The following NFIA variants were observed in gnomAD, a reference collection of about 807,000 sequenced individuals.
NFIA encodes nuclear factor I A.
In NFIA, 8 loss-of-function variants were observed where a neutral mutation model predicts 62.8. The observed-to-expected ratio is 0.13, with a 90% CI of 0.07 to 0.23. NFIA has a LOEUF of 0.23. Among genes scored for constraint, NFIA ranks in the 10% least tolerant of loss-of-function variants. The probability of loss-of-function intolerance (pLI) is 1.00; values close to 1 mark genes in which losing one functional copy is unlikely to be tolerated. For synonymous variants in NFIA, 235 were observed against 238.1 expected (o/e 0.99, Z 0.12); for missense variants, 410 against 642.1 (o/e 0.64, Z 3.91).
At chr1:61,158,418 A>G (rs1204314825) in intron 2 of NFIA, among the ~76,000 whole-genome samples, 4 of 152,160 alleles carry the variant, frequency 2.6e-5, no homozygotes, top group African/African-American at 7.2e-5. Flanking sequence ...CATTTGTACA[A>G]AGCAACTCTG....
intron 2 of NFIA, among the ~76,000 whole-genome samples, chr1:61,222,994 T>A (rs1358918403): frequency 6.6e-6 from 1 of 152,088 alleles, no homozygotes; most frequent in Non-Finnish European, 1.5e-5. Context: ...CTTTTTTTTG[T>A]TTCTGCTCTG....
chr1:61,243,654 T>C (rs932293260), intron 2 of NFIA, among the ~76,000 whole-genome samples: 5 of 152,350 alleles, frequency 3.3e-5, no homozygotes, highest in South Asian at 2.1e-4. Flanking sequence ...TTTTTACTTA[T>C]TCGTAACAAG....
intron 9 of NFIA, among the ~76,000 whole-genome samples, chr1:61,414,587 A>T (rs1569817574): frequency 6.7e-6 from 1 of 150,196 alleles, no homozygotes; most frequent in African/African-American, 2.5e-5. Flanking sequence ...ACAGAGGAAG[A>T]TGTTAGTAGT....
chr1:61,082,939 T>C, intron 1 of NFIA, 121 bp downstream of exon 1: 1 of 726,148 alleles, frequency 1.4e-6, no homozygotes, highest in Non-Finnish European at 1.8e-6. Context: ...TCTCGGTGTG[T>C]GTCTGTGTCT....
At chr1:61,083,244 C>A (rs959382480) in intron 1 of NFIA, among the ~76,000 whole-genome samples, 7 of 152,106 alleles carry the variant, frequency 4.6e-5, no homozygotes, top group African/African-American at 1.7e-4. Context: ...AGTGCCGCAG[C>A]GCCCGGGGAG....
intron 9 of NFIA, among the ~76,000 whole-genome samples, chr1:61,407,612 A>G (rs1665908850): frequency 6.6e-6 from 1 of 152,120 alleles, no homozygotes; most frequent in African/African-American, 2.4e-5. Flanking sequence ...TGTGATGAGC[A>G]CCTTCCCTAA....
intron 3 of NFIA, among the ~76,000 whole-genome samples, chr1:61,296,282 T>C (rs1331876563): frequency 2.0e-5 from 3 of 152,354 alleles, no homozygotes; most frequent in Non-Finnish European, 4.4e-5. Context: ...TCAGATTGAC[T>C]CGTTTATTTA....
chr1:61,226,558 C>G (rs1241444260), intron 2 of NFIA, among the ~76,000 whole-genome samples: 1 of 152,132 alleles, frequency 6.6e-6, no homozygotes, highest in Non-Finnish European at 1.5e-5. Context: ...CCAAATAATT[C>G]AGTCCAAAGA....
chr1:61,088,448 C>T lies in NFIA; in HGVS notation c.327C>T (p.Asp109=), dbSNP rs1384756898. ...CATGTTGTGTTCTTTCCAACCCAGA[C>T]CAGAAAGGCAAGATGCGAAGAATTG... ...KPPCCVLSNP[D]QKGKMRRIDC... Residue 109 remains aspartate (D), a synonymous_variant, in exon 2 of 11, where the codon GAC becomes GAT. Transcript: ENST00000403491. The surrounding 1 kb of genome is among the most constrained non-coding windows in gnomAD (Gnocchi z 4.5). 6.2e-7 allele frequency: 1 copy of T among 1,613,970 alleles called. No individual in the cohort carries two copies.
chr1:61,089,701 T>C lies in NFIA; in HGVS notation c.559+1021T>C, dbSNP rs558971834. ...ATATTTAACGTTTTTTTTTCTTTTTTTTTTTTTTTTTTTACAAAGGAGAGA... is the reference window on the plus strand; with the variant it reads ...ATATTTAACGTTTTTTTTTCTTTTTCTTTTTTTTTTTTTACAAAGGAGAGA... On this transcript the variant is annotated intron_variant, in intron 2 of 10. Transcript: ENST00000403491. 8.8e-4 allele frequency among the ~76,000 whole-genome samples: 132 copies of C among 150,040 alleles called. 3 individuals are homozygous for C. In the East Asian group the frequency reaches 0.019, roughly 22 times the overall value.
chr1:61,185,546 G>A (rs1419873414), intron 2 of NFIA, among the ~76,000 whole-genome samples: 1 of 151,714 alleles, frequency 6.6e-6, no homozygotes, highest in Non-Finnish European at 1.5e-5. Flanking sequence ...GTTTTCTTAT[G>A]CATCTAGAAT....
intron 10 of NFIA, among the ~76,000 whole-genome samples, chr1:61,449,842 A>T (rs1010598017): frequency 6.6e-6 from 1 of 152,274 alleles, no homozygotes; most frequent in Admixed American, 6.5e-5. Flanking sequence ...AGTACCAGTA[A>T]CTAACACCTG....
intron 2 of NFIA, among the ~76,000 whole-genome samples, chr1:61,169,794 T>G (rs1649826956): frequency 6.6e-6 from 1 of 152,220 alleles, no homozygotes; most frequent in Non-Finnish European, 1.5e-5. Flanking sequence ...TTCTTTGGTG[T>G]TCTCTGTGAA....
At position 61,352,582 on chromosome 1, in the gene NFIA, A is replaced by C. The variant is rs368669338; in HGVS notation, c.818+15A>C. On this transcript the variant is annotated intron_variant, in intron 5 of 10. Transcript: ENST00000403491. ...TCCTCTACGAGGTAATTTTATTGGC[A>C]GCTCTTGAAGAAATTATGCTACATG... 5 of 1,578,074 alleles carry C rather than the reference A, an allele frequency of 3.2e-6. No homozygotes were observed. Among genetic ancestry groups the C allele is most frequent in the East Asian group, 4.5e-5 (2 of 44,662 alleles).
chr1:61,234,473 C>T (rs1654869455), intron 2 of NFIA, among the ~76,000 whole-genome samples: 1 of 151,922 alleles, frequency 6.6e-6, no homozygotes, highest in Non-Finnish European at 1.5e-5. Context: ...TATACGTCTG[C>T]CTCCTCTGTT....
intron 2 of NFIA, among the ~76,000 whole-genome samples, chr1:61,186,526 A>G (rs1651193757): frequency 2.6e-5 from 4 of 152,206 alleles, no homozygotes; most frequent in Admixed American, 2.6e-4. Context: ...GTATGTAAAT[A>G]GGTAAGTTAC....
chr1:61,350,753 T>C (rs1224769447), intron 4 of NFIA, among the ~76,000 whole-genome samples: 1 of 152,206 alleles, frequency 6.6e-6, no homozygotes, highest in Non-Finnish European at 1.5e-5. Context: ...AGAAATCCAG[T>C]AAACATTTTC....
intron 3 of NFIA, among the ~76,000 whole-genome samples, chr1:61,280,792 C>T (rs555714208): frequency 2.0e-5 from 3 of 152,102 alleles, no homozygotes; most frequent in Admixed American, 6.6e-5. Flanking sequence ...TGAAGCCCAG[C>T]GATAAAATAT....
chr1:61,088,272 G>C lies in NFIA; in HGVS notation c.151G>C (p.Glu51Gln). Residue 51 changes from glutamate to glutamine, a missense_variant, in exon 2 of 11, where the codon GAA (glutamate) becomes CAA (glutamine). Transcript: ENST00000403491. The surrounding 1 kb of genome is among the most constrained non-coding windows in gnomAD (Gnocchi z 4.5). ...AAAACATGAAAAGCGTATGTCAAAA[G>C]AAGAAGAGAGAGCCGTGAAGGATGA... ...FKKHEKRMSK[E>Q]EERAVKDELL... 6.2e-7 allele frequency: 1 copy of C among 1,613,546 alleles called. No homozygotes were observed.
Sources: allele counts gnomAD v4.1 joint callset (sites outside exome capture counted in the v4.1 genomes callset), GRCh38; gene constraint gnomAD v4.1.1; non-coding constraint Gnocchi (gnomAD v3.1); transcripts MANE v1.5; gene names NCBI Gene and HGNC (gene_info 2026-07-23, HGNC 2026-07-21).